TENM1: variants seen among roughly 807,000 people sequenced by gnomAD.
The protein encoded by TENM1 is teneurin transmembrane protein 1.
TENM1 carries 35 observed loss-of-function variants against 174.8 expected under a neutral mutation model. The ratio of observed to expected loss-of-function variants is 0.20; its 90% confidence interval spans 0.15 to 0.27. The LOEUF (loss-of-function observed/expected upper bound fraction) is 0.27. Among genes scored for constraint, TENM1 ranks in the 10% least tolerant of loss-of-function variants. TENM1 has a pLI of 1.00. For missense variants in TENM1, 1,633 were observed against 2,130.1 expected (o/e 0.77, Z 4.59); for synonymous variants, 781 against 798.7 (o/e 0.98, Z 0.37).
intron 3 of TENM1, among the ~76,000 whole-genome samples, chrX:124,868,157 G>A (rs1023606573): frequency 8.9e-6 from 1 of 111,906 alleles, no homozygotes; most frequent in Non-Finnish European, 1.9e-5. Context: ...AACGATAAAA[G>A]AGCCAGAATA....
intron 1 of TENM1, among the ~76,000 whole-genome samples, chrX:124,961,383 T>C (rs1274958822): frequency 8.9e-6 from 1 of 111,962 alleles, no homozygotes; most frequent in African/African-American, 3.2e-5. Context: ...GGCTTATGCC[T>C]GCAATCCCAG....
intron 1 of TENM1, among the ~76,000 whole-genome samples, chrX:124,927,768 C>A (rs1255410403): frequency 9.0e-6 from 1 of 111,254 alleles, no homozygotes; most frequent in Non-Finnish European, 1.9e-5. Context: ...GTTGAACCAC[C>A]ACCAGTCTAA....
At chrX:124,667,094 T>G (rs1446316438) in intron 6 of TENM1, among the ~76,000 whole-genome samples, 4 of 112,055 alleles carry the variant, frequency 3.6e-5, no homozygotes, top group Non-Finnish European at 7.5e-5. Context: ...TTTCTGGACC[T>G]AATTTTCTTA....
chrX:124,774,463 T>A (rs2054735743), intron 3 of TENM1, among the ~76,000 whole-genome samples: 1 of 110,448 alleles, frequency 9.1e-6, no homozygotes, highest in African/African-American at 3.3e-5. Flanking sequence ...ATAAAGAAAA[T>A]GGGAAGAAAT....
chrX:124,685,234 A>T (rs1176499810), intron 5 of TENM1, among the ~76,000 whole-genome samples: 1 of 112,050 alleles, frequency 8.9e-6, no homozygotes, highest in African/African-American at 3.2e-5. Context: ...ATAATTCAAA[A>T]TAATTAACTT....
chrX:124,899,964 T>A (rs1380315472), intron 1 of TENM1, among the ~76,000 whole-genome samples: 2 of 112,378 alleles, frequency 1.8e-5, no homozygotes, highest in Non-Finnish European at 3.8e-5. Flanking sequence ...AAAGTAAAAC[T>A]GTGCAACCAC....
At chrX:124,377,876 C>T (rs1257583231) in exon 32 of TENM1, 1 of 111,999 alleles carries the variant, frequency 8.9e-6, no homozygotes, top group African/African-American at 3.2e-5. Flanking sequence ...AACTGCAAGT[C>T]AATGAAGGCA....
chrX:124,941,028 T>C (rs968732690), intron 1 of TENM1, among the ~76,000 whole-genome samples: 2 of 111,593 alleles, frequency 1.8e-5, no homozygotes, highest in African/African-American at 6.5e-5. Flanking sequence ...AACAAATTAA[T>C]GAGACAACAA....
chrX:125,112,134 TTGTGTGTGTGTGTG>T, the TENM1 span, among the ~76,000 whole-genome samples: 28 of 92,713 alleles, frequency 3.0e-4, no homozygotes, highest in African/African-American at 9.3e-4. Context: ...TTTAATGAAA[TTGTGTGTGTGTGTG>T]TGTGTGTGTG....
chrX:124,755,517 T>C (rs1433521595), intron 3 of TENM1, among the ~76,000 whole-genome samples: 1 of 111,039 alleles, frequency 9.0e-6, no homozygotes, highest in African/African-American at 3.3e-5. Flanking sequence ...ATGTGTGAAT[T>C]TGATCCTGTC....
At chrX:125,029,683 CA>C in the TENM1 span, among the ~76,000 whole-genome samples, 1 of 112,002 alleles carries the variant, frequency 8.9e-6, no homozygotes, top group Non-Finnish European at 1.9e-5. Flanking sequence ...CAGTACAGTA[CA>C]GAGAACCAGT....
At chrX:124,923,592 T>C (rs1387717700) in intron 1 of TENM1, among the ~76,000 whole-genome samples, 2 of 111,867 alleles carry the variant, frequency 1.8e-5, no homozygotes, top group East Asian at 5.6e-4. Flanking sequence ...CAAAGGGAAA[T>C]GAAGGTTGCA....
intron 3 of TENM1, among the ~76,000 whole-genome samples, chrX:124,886,530 TATATATATATATATATATAG>T (rs2147535903): frequency 1.2e-5 from 1 of 85,031 alleles, no homozygotes; most frequent in East Asian, 3.9e-4. Flanking sequence ...TACATATATA[TATATATATATATATATATAG>T]AGAGAGAGAG....
chrX:124,691,306 A>G (rs1217179131), intron 5 of TENM1, among the ~76,000 whole-genome samples: 1 of 112,225 alleles, frequency 8.9e-6, no homozygotes, highest in Admixed American at 9.4e-5. Context: ...TGAGACAAAG[A>G]AAAGAAAAAG....
chrX:124,752,339 GT>G (rs1423444283), intron 3 of TENM1, among the ~76,000 whole-genome samples: 1 of 111,662 alleles, frequency 9.0e-6, no homozygotes, highest in Admixed American at 9.5e-5. Flanking sequence ...TGATGGGGCT[GT>G]TTGTTTTTTT....
At chrX:125,114,469 G>A in the TENM1 span, among the ~76,000 whole-genome samples, 413 of 111,311 alleles carry the variant, frequency 3.7e-3, 2 homozygotes, top group Non-Finnish European at 6.0e-3. Flanking sequence ...TTTTTGAAAA[G>A]ATTAACAAAA....
intron 11 of TENM1, among the ~76,000 whole-genome samples, chrX:124,608,437 T>C (rs775744951): frequency 1.1e-4 from 12 of 111,300 alleles, no homozygotes; most frequent in Non-Finnish European, 1.9e-4. Flanking sequence ...ATAACTGCCT[T>C]AATTGTTTTC....
chrX:124,643,040 G>T (rs73558368), intron 10 of TENM1, among the ~76,000 whole-genome samples: 4,051 of 111,164 alleles, frequency 0.036, 175 homozygotes, highest in African/African-American at 0.13. Flanking sequence ...TAGCCCAAGA[G>T]CTTGGAGTCA....
At chrX:125,167,302 G>A in the TENM1 span, among the ~76,000 whole-genome samples, 1 of 111,636 alleles carries the variant, frequency 9.0e-6, no homozygotes, top group South Asian at 3.7e-4. Context: ...AATGGGGCAC[G>A]AAGAACCTAT....
Sources: gnomAD v4.1 joint callset for allele counts (sites outside exome capture counted in the v4.1 genomes callset) on GRCh38, gnomAD v4.1.1 for gene constraint, MANE v1.5 for transcripts, NCBI Gene and HGNC (gene_info 2026-07-23, HGNC 2026-07-21) for gene names.